Variants in CTSG observed in about 807,000 individuals in gnomAD.
CTSG encodes the protein cathepsin G.
CTSG carries 23 observed loss-of-function variants against 23.0 expected under a neutral mutation model. That is an observed-to-expected ratio of 1.00 (90% confidence interval 0.72 to 1.42). The LOEUF is 1.42. Ranked by LOEUF, CTSG falls within the 40% of genes most tolerant of loss-of-function variation. The pLI, the probability that CTSG is intolerant of heterozygous loss-of-function variation, is 0.00. For missense variants in CTSG, 312 were observed against 326.2 expected (o/e 0.96, Z 0.33); for synonymous variants, 140 against 130.4 (o/e 1.07, Z -0.50).
rs1420769939 is a variant in CTSG, at chr14:24,573,532, C to T, written c.*105G>A. The T allele has an allele frequency of 1.1e-5, 13 of 1,145,040 alleles. No individual in the cohort carries two copies. Among genetic ancestry groups the T allele is most frequent in the East Asian group, 2.4e-5 (1 of 41,640 alleles). The allele number at this position is 1,145,040 out of a possible 1,614,324, so 70.9% of individuals were successfully genotyped here. A position where few individuals can be genotyped will look rare whatever the true frequency, so the allele number is the denominator to read the frequency against. On this transcript the variant is annotated 3_prime_UTR_variant, in exon 5 of 5. Transcript: ENST00000216336. Reference sequence around the variant, plus strand: ...TCCAAACAAACTAAGTACTGAATGACGTTTAATGAACAAATGAGGAATTGG... The same window carrying T: ...TCCAAACAAACTAAGTACTGAATGATGTTTAATGAACAAATGAGGAATTGG...
At chr14:24,574,633 C>A (rs979428710) in intron 3 of CTSG, 42 bp downstream of exon 3, 1 of 1,613,948 alleles carries the variant, frequency 6.2e-7, no homozygotes, top group Admixed American at 1.7e-5. Flanking sequence ...CCATTGTCCC[C>A]GGACACACTA....
At position 24,574,252 on chromosome 14, in the gene CTSG, G is replaced by T. The variant is rs762829737; in HGVS notation, c.587C>A (p.Ala196Asp). Reference protein sequence around the residue: ...CVGDRRERKAAFKGDSGGPLL... With the variant: ...CVGDRRERKADFKGDSGGPLL... ...CCAATGCCCATGCCTTACCTTGAAG[G>T]CAGCCTTCCGTTCCCGCCGGTCCCC... is the stretch of plus-strand genomic sequence containing the variant. Residue 196 changes from alanine to aspartate, a missense_variant, in exon 4 of 5, where the codon GCC becomes GAC. Ala to Asp is a moderately radical substitution (Grantham distance 126). Transcript: ENST00000216336. The T allele has an allele frequency of 6.3e-7, 1 of 1,599,478 alleles. No homozygotes were observed. The highest frequency in any genetic ancestry group is 1.3e-5 in the African/African-American group (1 of 74,920).
At chr14:24,574,851 G>A (rs1238534822) in intron 2 of CTSG, 41 bp from the exon 3 acceptor site, 1 of 1,611,360 alleles carries the variant, frequency 6.2e-7, no homozygotes, top group Non-Finnish European at 8.5e-7. Flanking sequence ...AGGAGCTATG[G>A]TCCACCAGCT....
At position 24,574,503 on chromosome 14, in the gene CTSG, G is replaced by T. The variant is rs755366502; in HGVS notation, c.340-4C>A. 1.3e-5 allele frequency: 21 copies of T among 1,613,884 alleles called. No individual in the cohort carries two copies. The South Asian group carries it at 2.0e-4, about 15-fold the overall frequency. On this transcript the variant is annotated splice_region_variant and splice_polypyrimidine_tract_variant and intron_variant, in intron 3 of 4. Coordinates refer to ENST00000216336, the MANE Select transcript of CTSG (RefSeq NM_001911.3). Reference sequence around the variant, plus strand: ...TCCGTCTGACTCTTCTGCTCAGCTGGAGGAAGAATGTAGGCGTTCCCGCTC... The same window carrying T: ...TCCGTCTGACTCTTCTGCTCAGCTGTAGGAAGAATGTAGGCGTTCCCGCTC...
At chr14:24,574,104 C>T in intron 4 of CTSG, 141 bp downstream of exon 4, 1 of 1,068,266 alleles carries the variant, frequency 9.4e-7, no homozygotes, top group Non-Finnish European at 1.3e-6. Context: ...CCCCAGAGAC[C>T]AGGTTGATGG....
At chr14:24,575,946 C>T (rs1322617684) in intron 1 of CTSG, among the ~76,000 whole-genome samples, 4 of 152,186 alleles carry the variant, frequency 2.6e-5, no homozygotes, top group Non-Finnish European at 4.4e-5. Flanking sequence ...TTTTATAGCA[C>T]TTATAGTGTG....
rs887223797 is a variant in CTSG, at chr14:24,573,727, T to C, written c.678A>G (p.Glu226=). 6.2e-7 allele frequency: 1 copy of C among 1,613,980 alleles called. No individual in the cohort carries two copies. The change falls in exon 5 of 5, where the codon GAA becomes GAG. Residue 226 remains glutamate (E), a synonymous_variant. Coordinates refer to ENST00000216336, the MANE Select transcript of CTSG (RefSeq NM_001911.3). The stretch of plus-strand genomic sequence containing the variant: ...GGAAACTTGAGACCCTGGTGAAGAC[T>C]TCTGGAGGAACCCCTGACGACTTTC... The part of the protein sequence containing the change: ...SYGKSSGVPP[E]VFTRVSSFLP...
Position 24,573,761 on chromosome 14 carries a change from A to G in CTSG, c.644T>C (p.Val215Ala), listed in dbSNP as rs1374995434. ...LLCNNVAHGI[V>A]SYGKSSGVPP... ...AACCCCTGACGACTTTCCATAGGAG[A>G]CGATGCCGTGGGCCACATTGTTACA... The change falls in exon 5 of 5, where the codon GTC becomes GCC. Residue 215 changes from valine to alanine, a missense_variant. Val to Ala is a moderately conservative substitution (Grantham distance 64). Coordinates refer to ENST00000216336, the MANE Select transcript of CTSG (RefSeq NM_001911.3). The G allele has an allele frequency of 6.2e-7, 1 of 1,614,072 alleles. No homozygotes were observed. Among genetic ancestry groups the G allele is most frequent in the Non-Finnish European group, 8.5e-7 (1 of 1,179,996 alleles).
At position 24,574,258 on chromosome 14, in the gene CTSG, T is replaced by A; in HGVS notation, c.581A>T (p.Lys194Met). 2 of 1,599,720 alleles carry A rather than the reference T, an allele frequency of 1.3e-6. No homozygotes were observed. The highest frequency in any genetic ancestry group is 1.7e-6 in the Non-Finnish European group (2 of 1,179,914). ...CCCATGCCTTACCTTGAAGGCAGCCTTCCGTTCCCGCCGGTCCCCCACACA... is the reference window on the plus strand; with the variant it reads ...CCCATGCCTTACCTTGAAGGCAGCCATCCGTTCCCGCCGGTCCCCCACACA... ...QICVGDRRER[K>M]AAFKGDSGGP... The change falls in exon 4 of 5, where the codon AAG becomes ATG. Residue 194 changes from lysine to methionine, a missense_variant. Coordinates refer to ENST00000216336, the MANE Select transcript of CTSG (RefSeq NM_001911.3).
chr14:24,574,338 C>T lies in CTSG; in HGVS notation c.501G>A (p.Gln167=), dbSNP rs1490151595. ...DTLREVQLRV[Q]RDRQCLRIFG... ...AGATGCGGAGGCACTGCCTATCCCT[C>T]TGCACTCTCAGCTGCACCTCTCGGA... The change falls in exon 4 of 5, where the codon CAG becomes CAA. Residue 167 remains glutamine, a synonymous_variant. Coordinates refer to ENST00000216336, the MANE Select transcript of CTSG (RefSeq NM_001911.3). The T allele has an allele frequency of 6.2e-7, 1 of 1,606,344 alleles. No homozygotes were observed. Among genetic ancestry groups the T allele is most frequent in the Non-Finnish European group, 8.5e-7 (1 of 1,179,974 alleles).
rs1418376475 is a variant in CTSG, at chr14:24,575,306, C to T, written c.162G>A (p.Val54=). ...CTGCTGTCAGCACAAAGTCTTCTCG[C>T]ACCAGGAACCCTCCACATCTGCTCT... The part of the protein sequence containing the change: ...AGQSRCGGFL[V]REDFVLTAAH... Residue 54 remains valine, a synonymous_variant, in exon 2 of 5, where the codon GTG becomes GTA. Transcript: ENST00000216336. The T allele has an allele frequency of 1.9e-6, 3 of 1,614,216 alleles. No homozygotes were observed. Among genetic ancestry groups the T allele is most frequent in the Non-Finnish European group, 2.5e-6 (3 of 1,180,040 alleles).
Position 24,574,668 on chromosome 14 carries a change from G to C in CTSG, c.339+7C>G, listed in dbSNP as rs2066732519. On this transcript the variant is annotated splice_region_variant and intron_variant, in intron 3 of 4. Coordinates refer to ENST00000216336, the MANE Select transcript of CTSG (RefSeq NM_001911.3). ...AGGAAGGAGCCAGAGGGCCAGGTAGGTGGTACCTGCAATAACATGATGTCA... is the reference window on the plus strand; with the variant it reads ...AGGAAGGAGCCAGAGGGCCAGGTAGCTGGTACCTGCAATAACATGATGTCA... 1 of 1,614,128 alleles carries C rather than the reference G, an allele frequency of 6.2e-7. No individual in the cohort carries two copies. The highest frequency in any genetic ancestry group is 8.5e-7 in the Non-Finnish European group (1 of 1,180,042).
In CTSG at chr14:24,575,361, G is replaced by A. The variant is rs201990007; in HGVS notation, c.107C>T (p.Ala36Val). 71 of 1,614,158 alleles carry A rather than the reference G, an allele frequency of 4.4e-5. No individual in the cohort carries two copies. The highest frequency in any genetic ancestry group is 1.0e-4 in the Admixed American group (6 of 60,034). ...TGCTGGACTCTGGATCTGAAGATAC[G>A]CCATGTAGGGGCGGGAGTGGGGCCT... Reference protein sequence around the residue: ...ESRPHSRPYMAYLQIQSPAGQ... With the variant: ...ESRPHSRPYMVYLQIQSPAGQ... Residue 36 changes from alanine (A) to valine (V), a missense_variant, in exon 2 of 5, where the codon GCG becomes GTG. By Grantham distance (64) the Ala-to-Val change is moderately conservative. Transcript: ENST00000216336.
rs1594806387 is a variant in CTSG at position 24,573,551 on chromosome 14, G to A, written c.*86C>T. 3.1e-6 allele frequency: 4 copies of A among 1,292,354 alleles called. No homozygotes were observed. The highest frequency in any genetic ancestry group is 2.9e-5 in the South Asian group (2 of 68,156). 80.1% of individuals were successfully genotyped at this position (1,292,354 alleles called of 1,614,324 possible). ...GAATGACGTTTAATGAACAAATGAG[G>A]AATTGGTTATTTATACTCTGTGGAC... On this transcript the variant is annotated 3_prime_UTR_variant, in exon 5 of 5. Transcript: ENST00000216336.
In CTSG at chr14:24,574,721, G is replaced by A; in HGVS notation, c.293C>T (p.Pro98Leu). The change falls in exon 3 of 5, where the codon CCT (proline) becomes CTT (leucine). Residue 98 changes from proline (P) to leucine (L), a missense_variant. By Grantham distance (98) the Pro-to-Leu change is moderately conservative (BLOSUM62 -3). Coordinates refer to ENST00000216336, the MANE Select transcript of CTSG (RefSeq NM_001911.3). ...CTGGATGGTCCGCTGATTATATTGAGGGTGGCGGATGGCTCTGCGCGCAGT... is the reference window on the plus strand; with the variant it reads ...CTGGATGGTCCGCTGATTATATTGAAGGTGGCGGATGGCTCTGCGCGCAGT... ...HITARRAIRH[P>L]QYNQRTIQND... 1 of 1,614,234 alleles carries A rather than the reference G, an allele frequency of 6.2e-7. No individual in the cohort carries two copies. The highest frequency in any genetic ancestry group is 8.5e-7 in the Non-Finnish European group (1 of 1,180,048).
Position 24,574,470 on chromosome 14 carries a change from G to A in CTSG, c.369C>T (p.Asn123=), listed in dbSNP as rs764861206. ...CTCTAGGCAGAGCCACTGGGTTCAC[G>A]TTTCGATTCCGTCTGACTCTTCTGC... ...QLSRRVRRNR[N]VNPVALPRAQ... The change falls in exon 4 of 5, where the codon AAC becomes AAT. Residue 123 remains asparagine, a synonymous_variant. Coordinates refer to ENST00000216336, the MANE Select transcript of CTSG (RefSeq NM_001911.3). 10 of 1,613,954 alleles carry A rather than the reference G, an allele frequency of 6.2e-6. No individual in the cohort carries two copies. The South Asian group carries it at 9.9e-5, about 16-fold the overall frequency.
rs780411582 is a variant in CTSG at position 24,576,181 on chromosome 14, C to G, written c.43G>C (p.Gly15Arg). 7 of 1,610,562 alleles carry G rather than the reference C, an allele frequency of 4.3e-6. No homozygotes were observed. Among genetic ancestry groups the G allele is most frequent in the Non-Finnish European group, 5.1e-6 (6 of 1,178,640 alleles). Residue 15 changes from glycine (G) to arginine (R), a missense_variant, in exon 1 of 5, where the codon GGG becomes CGG. Gly to Arg is a moderately radical substitution (Grantham distance 125, BLOSUM62 -2). Transcript: ENST00000216336. ...GATGGTCACTCACCTGCCTCAGCCC[C>G]AGTGGGTAGGAGAAAGGCCAGCAGA... ...LLLLAFLLPT[G>R]AEAGEIIGGR...
Position 24,574,769 on chromosome 14 carries a change from C to A in CTSG, c.245G>T (p.Arg82Leu), listed in dbSNP as rs764372295. Residue 82 changes from arginine to leucine, a missense_variant, in exon 3 of 5, where the codon CGG (arginine) becomes CTG (leucine). By Grantham distance (102) the Arg-to-Leu change is moderately radical. Transcript: ENST00000216336. ...AGTGATGTGTTGCTGGGTGTTTTCC[C>A]GTCTCTGGATATTGTGGGCGCCCAG... Reference protein sequence around the residue: ...VTLGAHNIQRRENTQQHITAR... With the variant: ...VTLGAHNIQRLENTQQHITAR... 3 of 1,613,962 alleles carry A rather than the reference C, an allele frequency of 1.9e-6. No homozygotes were observed. Among genetic ancestry groups the A allele is most frequent in the South Asian group, 2.2e-5 (2 of 91,078 alleles).
chr14:24,574,641 C>T (rs2066732380), intron 3 of CTSG, 34 bp downstream of exon 3: 2 of 1,614,098 alleles, frequency 1.2e-6, no homozygotes, highest in Non-Finnish European at 1.7e-6. Context: ...CCCGGACACA[C>T]TAGGAAGGAG....
Sources: gnomAD v4.1 joint callset for allele counts (sites outside exome capture counted in the v4.1 genomes callset) on GRCh38, gnomAD v4.1.1 for gene constraint, MANE v1.5 for transcripts, NCBI Gene and HGNC (gene_info 2026-07-23, HGNC 2026-07-21) for gene names.